The following SAMD5 variants were observed in gnomAD, a reference collection of about 807,000 sequenced individuals.
The protein encoded by SAMD5 is sterile alpha motif domain-containing protein 5.
In SAMD5, 13 loss-of-function variants were observed where a neutral mutation model predicts 11.3. The ratio of observed to expected loss-of-function variants is 1.15; its 90% CI spans 0.75 to 1.83. The LOEUF (loss-of-function observed/expected upper bound fraction) is 1.83. Ranked by LOEUF, SAMD5 falls within the 40% of genes most tolerant of loss-of-function variation. The pLI is 0.00. For missense variants in SAMD5, 255 were observed against 239.1 expected (o/e 1.07, Z -0.44); for synonymous variants, 129 against 111.3 (o/e 1.16, Z -1.00).
chr6:147,709,290 G>A (rs1791365178), intron 1 of SAMD5, among the ~76,000 whole-genome samples: 1 of 152,122 alleles, frequency 6.6e-6, no homozygotes, highest in Non-Finnish European at 1.5e-5. Context: ...TAAGATATTA[G>A]GATTCTCTAA....
At chr6:147,920,207 C>T in the SAMD5 span, among the ~76,000 whole-genome samples, 1 of 152,200 alleles carries the variant, frequency 6.6e-6, no homozygotes, top group Non-Finnish European at 1.5e-5. Flanking sequence ...GGCACCATCT[C>T]ATCAGCTGCC....
chr6:147,857,676 A>T, the SAMD5 span, among the ~76,000 whole-genome samples: 1 of 149,302 alleles, frequency 6.7e-6, no homozygotes, highest in Non-Finnish European at 1.5e-5. Flanking sequence ...CTCACCTTAG[A>T]ATTTTTTCTT....
chr6:147,690,390 T>C (rs1383181751), intron 1 of SAMD5, among the ~76,000 whole-genome samples: 2 of 152,202 alleles, frequency 1.3e-5, no homozygotes, highest in Non-Finnish European at 2.9e-5. Flanking sequence ...CTGGGAGTGG[T>C]GGCTCATGCC....
the SAMD5 span, among the ~76,000 whole-genome samples, chr6:147,924,287 C>CTAAGAGAATCTACAGTG: frequency 3.2e-4 from 48 of 152,146 alleles, no homozygotes; most frequent in East Asian, 7.7e-3. Flanking sequence ...TGGTTTACAC[C>CTAAGAGAATCTACAGTG]TAAGAGAATC....
At chr6:147,541,786 G>A (rs951560267) in intron 1 of SAMD5, among the ~76,000 whole-genome samples, 6 of 152,080 alleles carry the variant, frequency 3.9e-5, no homozygotes, top group Admixed American at 6.5e-5. Context: ...CCTATTCTCC[G>A]TCTGAGAAAC....
chr6:147,569,920 C>T lies in SAMD5; in HGVS notation c.*5464C>T. 2.0e-6 allele frequency: 2 copies of T among 984,862 alleles called. No homozygotes were observed. The highest frequency in any genetic ancestry group is 2.4e-6 in the Non-Finnish European group (2 of 829,506). 61.0% of individuals were successfully genotyped at this position (984,862 alleles called of 1,614,324 possible). On this transcript the variant is annotated 3_prime_UTR_variant, in exon 2 of 2. Coordinates refer to ENST00000367474, the MANE Select transcript of SAMD5 (RefSeq NM_001030060.3). The stretch of plus-strand genomic sequence containing the variant: ...CGTTATGAGAAGGCACTATGAAAAG[C>T]CTAATTGGAATAGCATTATGAACCA...
At chr6:147,919,326 T>C in the SAMD5 span, among the ~76,000 whole-genome samples, 1 of 152,314 alleles carries the variant, frequency 6.6e-6, no homozygotes, top group African/African-American at 2.4e-5. Context: ...CATGGTGAGG[T>C]TCACTTGTTC....
the SAMD5 span, among the ~76,000 whole-genome samples, chr6:147,940,818 C>T: frequency 6.6e-6 from 1 of 152,032 alleles, no homozygotes; most frequent in African/African-American, 2.4e-5. Context: ...AAAAATTAGC[C>T]GGGCATGATG....
intron 1 of SAMD5, among the ~76,000 whole-genome samples, chr6:147,617,731 A>C (rs1789893926): frequency 6.6e-6 from 1 of 152,218 alleles, no homozygotes; most frequent in Non-Finnish European, 1.5e-5. Context: ...GGCTAGGGCT[A>C]GGAGAAAGGG....
chr6:147,633,270 A>T (rs995105710), intron 1 of SAMD5, among the ~76,000 whole-genome samples: 1 of 152,176 alleles, frequency 6.6e-6, no homozygotes, highest in Non-Finnish European at 1.5e-5. Flanking sequence ...CTTTCACCAG[A>T]ATTACAAGCC....
At chr6:147,688,125 T>C (rs1265460674) in intron 1 of SAMD5, among the ~76,000 whole-genome samples, 1 of 152,120 alleles carries the variant, frequency 6.6e-6, no homozygotes, top group African/African-American at 2.4e-5. Flanking sequence ...CTTATTTCCT[T>C]TGTTTCTGTT....
chr6:147,825,246 G>A, the SAMD5 span, among the ~76,000 whole-genome samples: 39 of 152,252 alleles, frequency 2.6e-4, no homozygotes, highest in East Asian at 6.6e-3. Flanking sequence ...GCAGTGAGCC[G>A]AGATTGCACC....
the SAMD5 span, among the ~76,000 whole-genome samples, chr6:147,862,079 T>G: frequency 7.2e-5 from 11 of 152,290 alleles, no homozygotes; most frequent in Admixed American, 4.6e-4. Flanking sequence ...ATTTAAAAAT[T>G]GAGCAGATAA....
At chr6:147,816,301 A>AAAAAAAAAAATATAT in the SAMD5 span, among the ~76,000 whole-genome samples, 7 of 66,352 alleles carry the variant, frequency 1.1e-4, no homozygotes, top group African/African-American at 4.1e-4. Context: ...AAAAAAAAAA[A>AAAAAAAAAAATATAT]ATATATATAT....
At chr6:147,843,000 C>G in the SAMD5 span, among the ~76,000 whole-genome samples, 8 of 152,144 alleles carry the variant, frequency 5.3e-5, no homozygotes, top group African/African-American at 1.7e-4. Flanking sequence ...GCTGGGATTA[C>G]AGGTGCCTGC....
the SAMD5 span, among the ~76,000 whole-genome samples, chr6:147,898,905 G>C: frequency 6.6e-6 from 1 of 152,016 alleles, no homozygotes; most frequent in African/African-American, 2.4e-5. Context: ...TGTTGGCCGG[G>C]CGTGGTGGCT....
At chr6:147,645,748 T>G (rs1790387169) in intron 1 of SAMD5, among the ~76,000 whole-genome samples, 1 of 152,108 alleles carries the variant, frequency 6.6e-6, no homozygotes, top group African/African-American at 2.4e-5. Flanking sequence ...ATGAGTTGAG[T>G]TGGTCCTATG....
the SAMD5 span, among the ~76,000 whole-genome samples, chr6:147,919,644 C>A: frequency 3.3e-5 from 5 of 152,152 alleles, no homozygotes; most frequent in African/African-American, 4.8e-5. Flanking sequence ...GAAGGCCTGA[C>A]CATATTGACT....
chr6:147,936,889 C>T, the SAMD5 span, among the ~76,000 whole-genome samples: 4 of 151,984 alleles, frequency 2.6e-5, no homozygotes, highest in Admixed American at 1.3e-4. Flanking sequence ...TTATGTGACA[C>T]GTCATCAGTC....
Sources: allele counts gnomAD v4.1 joint callset (sites outside exome capture counted in the v4.1 genomes callset), GRCh38; gene constraint gnomAD v4.1.1; transcripts MANE v1.5; gene names NCBI Gene and HGNC (gene_info 2026-07-23, HGNC 2026-07-21).